Variants in TRIM24 observed in about 807,000 individuals in gnomAD.
TRIM24 encodes tripartite motif containing 24, also known as transcription intermediary factor 1-alpha.
In TRIM24, 29 loss-of-function variants were observed where a neutral mutation model predicts 123.9. The observed-to-expected ratio is 0.23, with a 90% CI of 0.17 to 0.32. The LOEUF is 0.32. Ranked by LOEUF, TRIM24 falls within the 10% of genes least tolerant of loss-of-function variation. The probability of loss-of-function intolerance (pLI) is 1.00; values close to 1 mark genes in which losing one functional copy is unlikely to be tolerated. For missense variants in TRIM24, 932 were observed against 1,295.3 expected (o/e 0.72, Z 4.31); for synonymous variants, 456 against 461.1 (o/e 0.99, Z 0.14).
chr7:138,580,991 A>G (rs925442454), intron 16 of TRIM24, among the ~76,000 whole-genome samples: 3 of 152,266 alleles, frequency 2.0e-5, no homozygotes, highest in South Asian at 2.1e-4. Context: ...ATTTCCTACT[A>G]TAGATAAGAT....
In TRIM24 at chr7:138,585,056, C is replaced by A; in HGVS notation, c.*105C>A. On this transcript the variant is annotated 3_prime_UTR_variant, in exon 19 of 19. Transcript: ENST00000343526. Reference sequence around the variant, plus strand: ...ACAAAAAGAAGAGTTTGTGACTATTCTCATCTCTGTTTTGGACGTTTACTA... The same window carrying A: ...ACAAAAAGAAGAGTTTGTGACTATTATCATCTCTGTTTTGGACGTTTACTA... The A allele has an allele frequency of 1.0e-6, 1 of 995,834 alleles. No individual in the cohort carries two copies. Among genetic ancestry groups the A allele is most frequent in the Non-Finnish European group, 1.4e-6 (1 of 691,158 alleles). 61.7% of individuals were successfully genotyped at this position (995,834 alleles called of 1,614,324 possible). A position where few individuals can be genotyped will look rare whatever the true frequency, so the allele number is the denominator to read the frequency against.
At chr7:138,525,606 C>T (rs1223876976) in intron 5 of TRIM24, among the ~76,000 whole-genome samples, 1 of 152,142 alleles carries the variant, frequency 6.6e-6, no homozygotes. Context: ...AACTTATTAT[C>T]ACTTATTTTC....
chr7:138,571,099 GCAGA>G (rs1797646474), intron 11 of TRIM24, 96 bp downstream of exon 11: 12 of 1,265,608 alleles, frequency 9.5e-6, no homozygotes, highest in African/African-American at 1.5e-5. Flanking sequence ...GGAGGCTGAG[GCAGA>G]CAGATTACTT....
intron 9 of TRIM24, chr7:138,556,289 A>G (rs932154926): frequency 3.9e-5 from 6 of 152,184 alleles, no homozygotes; most frequent in African/African-American, 1.4e-4. Flanking sequence ...GCTTAGAATC[A>G]GCTTCTAAAT....
At chr7:138,561,927 C>T (rs1797436086) in intron 9 of TRIM24, among the ~76,000 whole-genome samples, 1 of 152,144 alleles carries the variant, frequency 6.6e-6, no homozygotes, top group African/African-American at 2.4e-5. Context: ...CAGCAGAACC[C>T]TGCTGCCCCT....
chr7:138,583,785 T>A, intron 17 of TRIM24, 65 bp from the exon 18 acceptor site: 1 of 1,142,888 alleles, frequency 8.7e-7, no homozygotes, highest in Non-Finnish European at 1.2e-6. Flanking sequence ...GCACATCTCA[T>A]AGAATATATT....
rs116129982 is a variant in TRIM24 at position 138,557,261 on chromosome 7, T to C, written c.1530+2295T>C. Among the ~76,000 whole-genome samples, 596 of 152,234 alleles carry C rather than the reference T, an allele frequency of 3.9e-3. 3 individuals are homozygous for C. The highest frequency in any genetic ancestry group is 0.014 in the African/African-American group (573 of 41,544). On this transcript the variant is annotated intron_variant, in intron 9 of 18. Coordinates refer to ENST00000343526, the MANE Select transcript of TRIM24 (RefSeq NM_015905.3). ...GTGAGTCAGCTAAGTACAGGAAAAC[T>C]TGTTTTCCTCTTTTTAATTTCGGCT... is the stretch of plus-strand genomic sequence containing the variant.
At position 138,519,245 on chromosome 7, in the gene TRIM24, C is replaced by A; in HGVS notation, c.688C>A (p.Gln230Lys). The stretch of plus-strand genomic sequence containing the variant: ...GTTTTGTCCTTTTCATAAAAAGGAG[C>A]AGCTGAAGCTGTACTGTGAGACATG... ...PVFCPFHKKE[Q>K]LKLYCETCDK... The change falls in exon 4 of 19, where the codon CAG (glutamine) becomes AAG (lysine). Residue 230 changes from glutamine to lysine, a missense_variant. Transcript: ENST00000343526. The A allele has an allele frequency of 6.2e-7, 1 of 1,614,076 alleles. No homozygotes were observed. Among genetic ancestry groups the A allele is most frequent in the Non-Finnish European group, 8.5e-7 (1 of 1,179,988 alleles).
intron 1 of TRIM24, among the ~76,000 whole-genome samples, chr7:138,500,488 G>A (rs978913117): frequency 2.0e-5 from 3 of 150,718 alleles, no homozygotes; most frequent in East Asian, 3.9e-4. Flanking sequence ...ACCTGAGCCC[G>A]AGAGGTGGAG....
intron 2 of TRIM24, among the ~76,000 whole-genome samples, chr7:138,509,404 T>C (rs1320775802): frequency 6.7e-6 from 1 of 149,878 alleles, no homozygotes; most frequent in Non-Finnish European, 1.5e-5. Context: ...TTTTAATTCT[T>C]AAAATTAAGA....
chr7:138,560,404 C>T (rs1390237782), intron 9 of TRIM24, among the ~76,000 whole-genome samples: 3 of 152,168 alleles, frequency 2.0e-5, no homozygotes, highest in African/African-American at 4.8e-5. Context: ...GAGAAAGTCT[C>T]GACCCATCCT....
rs1435337500 is a variant in TRIM24, at chr7:138,580,553, C to T, written c.2586-9C>T. On this transcript the variant is annotated splice_polypyrimidine_tract_variant and intron_variant, in intron 15 of 18. Coordinates refer to ENST00000343526, the MANE Select transcript of TRIM24 (RefSeq NM_015905.3). ...ATTAGGAATTCAAAAGTACATTGTC[C>T]CCTAACAGTGGAGAGTGGATTTGCA... 6.2e-7 allele frequency: 1 copy of T among 1,605,908 alleles called. No homozygotes were observed. The highest frequency in any genetic ancestry group is 8.5e-7 in the Non-Finnish European group (1 of 1,175,964).
At chr7:138,581,025 G>T (rs1421030664) in intron 16 of TRIM24, among the ~76,000 whole-genome samples, 1 of 152,012 alleles carries the variant, frequency 6.6e-6, no homozygotes, top group Non-Finnish European at 1.5e-5. Flanking sequence ...TGCCACCAAG[G>T]AGCTGGGTTT....
chr7:138,527,903 GCTGGGCCTAGAACAAAGA>G (rs1337759955), intron 5 of TRIM24, among the ~76,000 whole-genome samples: 266 of 152,010 alleles, frequency 1.7e-3, no homozygotes, highest in African/African-American at 6.1e-3. Flanking sequence ...TAGAACAAAG[GCTGGGCCTAGAACAAAGA>G]CTGGACTTGG....
chr7:138,557,219 C>A (rs1797332747), intron 9 of TRIM24, among the ~76,000 whole-genome samples: 1 of 152,150 alleles, frequency 6.6e-6, no homozygotes. Context: ...AGGGCCCTGC[C>A]TATTGCTGGC....
chr7:138,537,392 T>TG (rs1554440772), intron 6 of TRIM24, among the ~76,000 whole-genome samples: 4 of 128,344 alleles, frequency 3.1e-5, no homozygotes, highest in South Asian at 2.7e-4. Context: ...TTTTTTTTTT[T>TG]TTTTTTTTTT....
chr7:138,496,670 G>A (rs1265791487), intron 1 of TRIM24, among the ~76,000 whole-genome samples: 5 of 151,314 alleles, frequency 3.3e-5, no homozygotes, highest in Non-Finnish European at 5.9e-5. Flanking sequence ...TTTTTTAATT[G>A]TATTTTCTTT....
intron 2 of TRIM24, among the ~76,000 whole-genome samples, chr7:138,506,630 T>C (rs1796156642): frequency 6.6e-6 from 1 of 152,248 alleles, no homozygotes; most frequent in Admixed American, 6.5e-5. Context: ...AAGAGGCTGC[T>C]TTATACCTCC....
intron 11 of TRIM24, 23 bp downstream of exon 11, chr7:138,571,026 C>G (rs200849929): frequency 6.2e-7 from 1 of 1,611,978 alleles, no homozygotes; most frequent in African/African-American, 1.3e-5. Flanking sequence ...AAAATTTATA[C>G]TAGCCTCTGT....
Sources: allele counts gnomAD v4.1 joint callset (sites outside exome capture counted in the v4.1 genomes callset), GRCh38; gene constraint gnomAD v4.1.1; transcripts MANE v1.5; gene names NCBI Gene and HGNC (gene_info 2026-07-23, HGNC 2026-07-21).